Variants in NAV3 observed in about 807,000 individuals in gnomAD.
NAV3 encodes pore membrane and/or filament interacting like protein 1.
In NAV3, 87 loss-of-function variants were observed where a neutral mutation model predicts 244.7. The observed-to-expected ratio is 0.36, with a 90% CI of 0.30 to 0.42. NAV3 has a LOEUF of 0.42. Among genes scored for constraint, NAV3 ranks in the 20% least tolerant of loss-of-function variants. NAV3 has a pLI of 1.00. For missense variants in NAV3, 2,663 were observed against 2,893.3 expected (o/e 0.92, Z 1.83); for synonymous variants, 1,126 against 1,042.2 (o/e 1.08, Z -1.55).
At chr12:77,580,241 C>T (rs1362175082) in intron 2 of NAV3, among the ~76,000 whole-genome samples, 2 of 151,826 alleles carry the variant, frequency 1.3e-5, no homozygotes, top group Non-Finnish European at 2.9e-5. Flanking sequence ...CACACACACA[C>T]ACACACACAC....
chr12:78,175,895 G>A (rs986173044), intron 25 of NAV3, among the ~76,000 whole-genome samples: 3 of 134,032 alleles, frequency 2.2e-5, no homozygotes, highest in Non-Finnish European at 5.1e-5. Flanking sequence ...TGATGATGAT[G>A]GTGATGATGA....
intron 1 of NAV3, among the ~76,000 whole-genome samples, chr12:77,881,457 G>A (rs1166344320): frequency 3.9e-5 from 6 of 152,016 alleles, no homozygotes; most frequent in African/African-American, 1.4e-4. Context: ...CTTTCCCACT[G>A]TGTCACCAAA....
intron 8 of NAV3, among the ~76,000 whole-genome samples, chr12:78,017,534 C>T (rs1876431348): frequency 6.6e-6 from 1 of 152,092 alleles, no homozygotes; most frequent in South Asian, 2.1e-4. Context: ...GTTGTAAATG[C>T]ACAGTAAGAT....
intron 12 of NAV3, among the ~76,000 whole-genome samples, chr12:78,064,395 G>GTGTCTGTCTGTCTGTCTGTC (rs3054540): frequency 2.0e-4 from 28 of 140,048 alleles, no homozygotes; most frequent in African/African-American, 7.3e-4. Flanking sequence ...CTATCTATCT[G>GTGTCTGTCTGTCTGTCTGTC]TGTCTGTCTG....
intron 5 of NAV3, among the ~76,000 whole-genome samples, chr12:77,986,520 C>G (rs945164002): frequency 4.0e-4 from 61 of 152,010 alleles, no homozygotes. Context: ...AAAGTCGATA[C>G]ATTATATGAG....
chr12:77,706,820 G>T (rs1195805373), intron 2 of NAV3, among the ~76,000 whole-genome samples: 1 of 131,482 alleles, frequency 7.6e-6, no homozygotes, highest in Non-Finnish European at 1.5e-5. Flanking sequence ...GCAGTGAGCC[G>T]AGATAGTGCC....
At chr12:78,092,327 G>T (rs1313366903) in intron 12 of NAV3, among the ~76,000 whole-genome samples, 1 of 151,924 alleles carries the variant, frequency 6.6e-6, no homozygotes, top group African/African-American at 2.4e-5. Context: ...ACGTTGGAGG[G>T]GTGGGAAGAG....
chr12:77,940,165 A>G (rs1011677554), intron 1 of NAV3, 154 bp from the exon 2 acceptor site: 3 of 613,322 alleles, frequency 4.9e-6, no homozygotes, highest in Non-Finnish European at 8.7e-6. Flanking sequence ...CTGTTTAAAA[A>G]TTACTTTACA....
intron 2 of NAV3, among the ~76,000 whole-genome samples, chr12:77,772,150 G>A (rs1870123664): frequency 6.6e-6 from 1 of 152,092 alleles, no homozygotes; most frequent in African/African-American, 2.4e-5. Flanking sequence ...GGGCTTAGAA[G>A]GGTTGTGTAG....
intron 12 of NAV3, among the ~76,000 whole-genome samples, chr12:78,068,084 AT>A (rs1885243823): frequency 6.6e-6 from 1 of 152,046 alleles, no homozygotes; most frequent in African/African-American, 2.4e-5. Flanking sequence ...TATAATAGAC[AT>A]AAGTATTGAG....
Position 78,199,355 on chromosome 12 carries a change from A to G in NAV3, c.6539A>G (p.His2180Arg). The stretch of plus-strand genomic sequence containing the variant: ...TGTAGGTGGGTATTATGTGCAAATC[A>G]TACAGAACCAGTGAAAGGCTTTTTA... ...HNFRWVLCAN[H>R]TEPVKGFLGR... Residue 2180 changes from histidine (H) to arginine (R), a missense_variant, in exon 37 of 40, where the codon CAT (histidine) becomes CGT (arginine). Physicochemically the swap from His to Arg is conservative, Grantham distance 29 (BLOSUM62 0). Around this residue, in one of 6 missense-constraint regions of NAV3, gnomAD observed 543 missense variants for 672.4 expected, o/e 0.81. Transcript: ENST00000397909. 1.2e-6 allele frequency: 2 copies of G among 1,607,254 alleles called. No homozygotes were observed. The highest frequency in any genetic ancestry group is 8.5e-7 in the Non-Finnish European group (1 of 1,177,530).
intron 1 of NAV3, among the ~76,000 whole-genome samples, chr12:77,859,701 A>G (rs886727765): frequency 6.9e-6 from 1 of 145,874 alleles, no homozygotes; most frequent in African/African-American, 2.5e-5. Flanking sequence ...TAATACATGC[A>G]TAGGAATGGA....
intron 1 of NAV3, among the ~76,000 whole-genome samples, chr12:77,915,114 T>C (rs137954090): frequency 2.2e-3 from 331 of 152,162 alleles, no homozygotes; most frequent in African/African-American, 7.7e-3. Flanking sequence ...CTCTTCCTTC[T>C]CTGCAAAAAT....
chr12:78,001,790 T>C (rs930478878), intron 7 of NAV3, among the ~76,000 whole-genome samples: 5 of 152,260 alleles, frequency 3.3e-5, no homozygotes. Flanking sequence ...CTGAACATTA[T>C]GTCGAAGTGG....
At chr12:78,135,216 G>C (rs1156715200) in intron 18 of NAV3, among the ~76,000 whole-genome samples, 1 of 152,118 alleles carries the variant, frequency 6.6e-6, no homozygotes, top group Non-Finnish European at 1.5e-5. Flanking sequence ...TCCTTCTTCA[G>C]ACATCTGCCC....
At chr12:78,077,623 C>T (rs1041548696) in intron 12 of NAV3, among the ~76,000 whole-genome samples, 1 of 152,140 alleles carries the variant, frequency 6.6e-6, no homozygotes, top group Non-Finnish European at 1.5e-5. Flanking sequence ...CAAAGTACTA[C>T]AGATTGGGTG....
chr12:77,960,062 T>C (rs1023683513), intron 3 of NAV3, among the ~76,000 whole-genome samples: 3 of 151,890 alleles, frequency 2.0e-5, no homozygotes, highest in Non-Finnish European at 4.4e-5. Context: ...GCATTGATTG[T>C]GCCTGGCCAT....
intron 3 of NAV3, among the ~76,000 whole-genome samples, chr12:77,948,663 C>T (rs1593084803): frequency 6.8e-6 from 1 of 146,782 alleles, no homozygotes. Context: ...GAACTTATTG[C>T]TCCTTCTTTT....
intron 12 of NAV3, among the ~76,000 whole-genome samples, chr12:78,069,722 T>C (rs1177271846): frequency 2.6e-5 from 4 of 152,052 alleles, no homozygotes; most frequent in African/African-American, 9.7e-5. Context: ...TGTATGACTA[T>C]ATTCATGAAT....
Sources: gnomAD v4.1 joint callset for allele counts (sites outside exome capture counted in the v4.1 genomes callset) on GRCh38, gnomAD v4.1.1 for gene constraint, gnomAD v4.1.1 regional missense constraint, MANE v1.5 for transcripts, NCBI Gene and HGNC (gene_info 2026-07-23, HGNC 2026-07-21) for gene names.